Variants in DDX19B observed in about 807,000 individuals in gnomAD.
The protein encoded by DDX19B is DEAD-box helicase 19B, also known as ATP-dependent RNA helicase DDX19B.
A neutral mutation model predicts 58.1 loss-of-function variants in DDX19B; 27 were observed. The observed-to-expected ratio is 0.46, with a 90% CI of 0.34 to 0.64. The LOEUF (loss-of-function observed/expected upper bound fraction) is 0.64, where lower values mean the gene tolerates loss of function less well. Among genes scored for constraint, DDX19B ranks in the 30% least tolerant of loss-of-function variants. The probability of loss-of-function intolerance (pLI) is 0.01; values close to 1 mark genes in which losing one functional copy is unlikely to be tolerated. For synonymous variants in DDX19B, 187 were observed against 214.4 expected, an observed-to-expected ratio of 0.87 and a Z score of 1.12; for missense variants, 399 against 596.5, an observed-to-expected ratio of 0.67 and a Z score of 3.45.
intron 1 of DDX19B, among the ~76,000 whole-genome samples, chr16:70,299,677 AGGCTAGTCT>A (rs1961380747): frequency 6.6e-6 from 1 of 152,172 alleles, no homozygotes; most frequent in Non-Finnish European, 1.5e-5. Flanking sequence ...TAGGTTGCCC[AGGCTAGTCT>A]GGAACTCCTG....
intron 4 of DDX19B, 180 bp from the exon 5 acceptor site, chr16:70,317,316 T>A: frequency 4.9e-6 from 2 of 404,138 alleles, no homozygotes; most frequent in South Asian, 4.3e-5. Context: ...GGAAGGTGGA[T>A]GTTGCAGTGA....
chr16:70,319,066 T>A (rs999147853), intron 5 of DDX19B, among the ~76,000 whole-genome samples: 16 of 152,282 alleles, frequency 1.1e-4, no homozygotes, highest in African/African-American at 3.6e-4. Flanking sequence ...ATCACGCCAC[T>A]GCACTCCAGC....
chr16:70,311,310 G>T (rs1168033217), intron 1 of DDX19B, among the ~76,000 whole-genome samples: 3 of 152,066 alleles, frequency 2.0e-5, no homozygotes, highest in Non-Finnish European at 4.4e-5. Flanking sequence ...AACCCGGAAG[G>T]CAGAGCTTGC....
intron 3 of DDX19B, 50 bp from the exon 4 acceptor site, chr16:70,315,919 G>A (rs1484993161): frequency 6.3e-7 from 1 of 1,594,878 alleles, no homozygotes; most frequent in South Asian, 1.1e-5. Flanking sequence ...GTAAACGCCT[G>A]GTAGGTTTCA....
chr16:70,290,097 T>C, upstream of DDX19B: 1 of 269,142 alleles, frequency 3.7e-6, no homozygotes, highest in Non-Finnish European at 7.6e-6. Flanking sequence ...GGTGAATATA[T>C]ATATATACAT....
At chr16:70,290,218 C>T (rs1799157016), upstream of DDX19B, among the ~76,000 whole-genome samples, 1 of 151,994 alleles carries the variant, frequency 6.6e-6, no homozygotes, top group African/African-American at 2.4e-5. Context: ...GCCTGGTCAA[C>T]ATAACTAGAC....
chr16:70,329,262 C>T (rs1411291779), intron 7 of DDX19B, 30 bp from the exon 8 acceptor site: 10 of 1,571,334 alleles, frequency 6.4e-6, no homozygotes, highest in Non-Finnish European at 8.7e-6. Flanking sequence ...GAAATACCCA[C>T]ACATGGAAAA....
At chr16:70,306,454 C>T (rs1488202733) in intron 1 of DDX19B, among the ~76,000 whole-genome samples, 1 of 152,198 alleles carries the variant, frequency 6.6e-6, no homozygotes, top group African/African-American at 2.4e-5. Flanking sequence ...CCCGGCCATT[C>T]AGGTCAGGTT....
At chr16:70,315,836 A>C (rs971016593) in intron 3 of DDX19B, 133 bp from the exon 4 acceptor site, 1 of 1,256,654 alleles carries the variant, frequency 8.0e-7, no homozygotes, top group Admixed American at 2.6e-5. Flanking sequence ...TTTATAAGTC[A>C]AAACTATGAC....
At chr16:70,315,785 G>C in intron 3 of DDX19B, 184 bp from the exon 4 acceptor site, 1 of 771,490 alleles carries the variant, frequency 1.3e-6, no homozygotes, top group Non-Finnish European at 1.9e-6. Context: ...GCCTAAATGG[G>C]TGATGTATCA....
intron 11 of DDX19B, 64 bp from the exon 12 acceptor site, chr16:70,333,457 T>C (rs1053398062): frequency 1.9e-6 from 3 of 1,613,040 alleles, no homozygotes; most frequent in Admixed American, 3.3e-5. Flanking sequence ...GAATGAATGA[T>C]TGCTGTGGCC....
Position 70,310,317 on chromosome 16 carries a change from G to T in DDX19B, c.58-2292G>T, listed in dbSNP as rs940629437. ...AATCGTTTGAACCCAGGAGGCGGAG[G>T]TTGCAGTGATCTGAGATAACACCAC... On this transcript the variant is annotated intron_variant, in intron 1 of 11. Transcript: ENST00000288071. 2.6e-5 allele frequency among the ~76,000 whole-genome samples: 4 copies of T among 151,734 alleles called. No homozygotes were observed. In the South Asian group the frequency reaches 8.3e-4, roughly 32 times the overall value.
chr16:70,300,055 A>G (rs1469894978), intron 1 of DDX19B, among the ~76,000 whole-genome samples: 1 of 152,182 alleles, frequency 6.6e-6, no homozygotes, highest in African/African-American at 2.4e-5. Context: ...TACTTCTGTT[A>G]GTACTTATTG....
rs1323067036 is a variant in DDX19B, at chr16:70,313,486, A to G, written c.106+829A>G. Among the ~76,000 whole-genome samples, 4 of 152,008 alleles carry G rather than the reference A, an allele frequency of 2.6e-5. No homozygotes were observed. The East Asian group carries it at 7.7e-4, about 29-fold the overall frequency. On this transcript the variant is annotated intron_variant, in intron 2 of 11. Coordinates refer to ENST00000288071, the MANE Select transcript of DDX19B (RefSeq NM_007242.7). ...TTTAATACAAGAATGAGGATTGCAC[A>G]CTGATAGCAAGGGTGTGGGGGGAAC...
intron 1 of DDX19B, among the ~76,000 whole-genome samples, chr16:70,306,622 G>A (rs1567624703): frequency 6.6e-6 from 1 of 152,172 alleles, no homozygotes; most frequent in Non-Finnish European, 1.5e-5. Flanking sequence ...AAAAACTCAG[G>A]TATGAAATGA....
intron 5 of DDX19B, among the ~76,000 whole-genome samples, chr16:70,321,257 C>T (rs1962792000): frequency 1.3e-5 from 2 of 152,010 alleles, no homozygotes; most frequent in South Asian, 2.1e-4. Context: ...CCACTGCGCC[C>T]GGCCTTCAGG....
intron 2 of DDX19B, 76 bp downstream of exon 2, chr16:70,312,733 GA>G (rs899863291): frequency 8.3e-6 from 11 of 1,330,198 alleles, no homozygotes; most frequent in Non-Finnish European, 8.4e-6. Context: ...CAACTGTCTG[GA>G]AAAAAATTTG....
chr16:70,295,307 G>C (rs1297966841), upstream of DDX19B, among the ~76,000 whole-genome samples: 2 of 152,012 alleles, frequency 1.3e-5, no homozygotes, highest in Admixed American at 6.6e-5. Flanking sequence ...TTTTTGTTTT[G>C]TTTTGAGACA....
At chr16:70,308,221 G>A (rs1961873563) in intron 1 of DDX19B, among the ~76,000 whole-genome samples, 1 of 151,028 alleles carries the variant, frequency 6.6e-6, no homozygotes, top group Admixed American at 6.6e-5. Context: ...CCAAAGTGCT[G>A]GGATTACAGG....
Sources: gnomAD v4.1 joint callset for allele counts (sites outside exome capture counted in the v4.1 genomes callset) on GRCh38, gnomAD v4.1.1 for gene constraint, MANE v1.5 for transcripts, NCBI Gene and HGNC (gene_info 2026-07-23, HGNC 2026-07-21) for gene names.